BHLHE41: variants seen among roughly 807,000 people sequenced by gnomAD.
BHLHE41 encodes basic helix-loop-helix family member e41.
BHLHE41 carries 14 observed loss-of-function variants against 24.0 expected under a neutral mutation model. The observed-to-expected ratio is 0.58, with a 90% CI of 0.39 to 0.91. The LOEUF is 0.91. BHLHE41 is among the 40% of genes least tolerant of loss of function. The pLI is 0.00. For synonymous variants in BHLHE41, 394 were observed against 315.5 expected (o/e 1.25, Z -2.64); for missense variants, 674 against 655.4 (o/e 1.03, Z -0.31).
rs1417732646 is a variant in BHLHE41 at position 26,122,766 on chromosome 12, G to C, written c.749C>G (p.Pro250Arg). The C allele has an allele frequency of 6.3e-7, 1 of 1,592,476 alleles. No individual in the cohort carries two copies. The highest frequency in any genetic ancestry group is 1.4e-5 in the African/African-American group (1 of 73,342). The change falls in exon 5 of 5, where the codon CCG becomes CGG. Residue 250 changes from proline to arginine, a missense_variant. Around this residue, in one of 3 missense-constraint regions of BHLHE41, gnomAD observed 602 missense variants for 570.8 expected, o/e 1.05. Coordinates refer to ENST00000242728, the MANE Select transcript of BHLHE41 (RefSeq NM_030762.3). The part of the protein sequence containing the change: ...SGYGGEAEAR[P>R]DREKGKGAGA... ...CGCGCCTTTGCCTTTCTCGCGGTCCGGCCGGGCCTCGGCTTCGCCGCCGTA... is the reference window on the plus strand; with the variant it reads ...CGCGCCTTTGCCTTTCTCGCGGTCCCGCCGGGCCTCGGCTTCGCCGCCGTA...
chr12:26,124,080 T>G lies in BHLHE41; in HGVS notation c.226A>C (p.Lys76Gln). The change falls in exon 3 of 5, where the codon AAA becomes CAA. Residue 76 changes from lysine to glutamine, a missense_variant. Coordinates refer to ENST00000242728, the MANE Select transcript of BHLHE41 (RefSeq NM_030762.3). ...GAAAATGTGCATCTTACTGTCAATT[T>G]CAGATGTTCAGGCAGTAAATCTTTC... ...QLKDLLPEHLKLTTLGHLEKA... is the reference protein window; with the variant it reads ...QLKDLLPEHLQLTTLGHLEKA... 1 of 1,602,590 alleles carries G rather than the reference T, an allele frequency of 6.2e-7. No individual in the cohort carries two copies. Among genetic ancestry groups the G allele is most frequent in the Non-Finnish European group, 8.6e-7 (1 of 1,169,470 alleles).
In BHLHE41 at chr12:26,120,724, C is replaced by G. The variant is rs1445422831; in HGVS notation, c.*1342G>C. 1.3e-5 allele frequency: 2 copies of G among 152,618 alleles called. No homozygotes were observed. Among genetic ancestry groups the G allele is most frequent in the Admixed American group, 6.5e-5 (1 of 15,282 alleles). 9.5% of individuals were successfully genotyped at this position (152,618 alleles called of 1,614,324 possible). On this transcript the variant is annotated 3_prime_UTR_variant, in exon 5 of 5. Coordinates refer to ENST00000242728, the MANE Select transcript of BHLHE41 (RefSeq NM_030762.3). The stretch of plus-strand genomic sequence containing the variant: ...AAATGCACCAAACTGACGAAAAGAC[C>G]CAGATATTTTCCTCACTCATAGTCA...
intron 2 of BHLHE41, 94 bp from the exon 3 acceptor site, chr12:26,124,273 A>G: frequency 3.9e-6 from 1 of 257,258 alleles, no homozygotes; most frequent in Non-Finnish European, 6.2e-6. Context: ...CCCCCCCACC[A>G]TAAAACATAC....
At chr12:26,124,466 C>T (rs1178951489) in intron 2 of BHLHE41, 53 bp downstream of exon 2, 1 of 1,555,790 alleles carries the variant, frequency 6.4e-7, no homozygotes, top group Admixed American at 1.7e-5. Context: ...AAATCAATGG[C>T]TCTAATTAAC....
In BHLHE41 at chr12:26,120,974, A is replaced by G. The variant is rs914030973; in HGVS notation, c.*1092T>C. 1.3e-5 allele frequency: 2 copies of G among 152,646 alleles called. No homozygotes were observed. Among genetic ancestry groups the G allele is most frequent in the African/African-American group, 4.8e-5 (2 of 41,460 alleles). 9.5% of individuals were successfully genotyped at this position (152,646 alleles called of 1,614,324 possible). On this transcript the variant is annotated 3_prime_UTR_variant, in exon 5 of 5. Transcript: ENST00000242728. ...TATATCTTTACAGCATTTGCAATCA[A>G]AACTGGCCAGTTAAATGCTTTCGTT...
At position 26,124,520 on chromosome 12, in the gene BHLHE41, T is replaced by C; in HGVS notation, c.125A>G (p.Lys42Arg). The C allele has an allele frequency of 6.2e-7, 1 of 1,613,988 alleles. No individual in the cohort carries two copies. Among genetic ancestry groups the C allele is most frequent in the South Asian group, 1.1e-5 (1 of 91,076 alleles). ...PKRSMKRDDT[K>R]DTYKLPHRLI... ...GGAATATCGGGAACTTACACTTACC[T>C]TGGTGTCGTCTCGTTTCATGCTCCT... is the stretch of plus-strand genomic sequence containing the variant. The change falls in exon 2 of 5, where the codon AAG becomes AGG. Residue 42 changes from lysine (K) to arginine (R), a missense_variant and splice_region_variant. Coordinates refer to ENST00000242728, the MANE Select transcript of BHLHE41 (RefSeq NM_030762.3).
At chr12:26,123,230 A>G in intron 4 of BHLHE41, 62 bp from the exon 5 acceptor site, 1 of 1,505,120 alleles carries the variant, frequency 6.6e-7, no homozygotes, top group Non-Finnish European at 8.9e-7. Flanking sequence ...AAACATACCC[A>G]CGTTAAAACA....
Position 26,122,210 on chromosome 12 carries a change from C to A in BHLHE41, c.1305G>T (p.Pro435=). 1 of 1,338,936 alleles carries A rather than the reference C, an allele frequency of 7.5e-7. No individual in the cohort carries two copies. The allele number at this position is 1,338,936 out of a possible 1,614,324, so 82.9% of individuals were successfully genotyped here. Residue 435 remains proline (P), a synonymous_variant, in exon 5 of 5, where the codon CCG becomes CCT. Coordinates refer to ENST00000242728, the MANE Select transcript of BHLHE41 (RefSeq NM_030762.3). ...GCGCCCCAAGGGGCGCCACCTCGTG[C>A]GGCAGGAGGGTCGCGGCGGCGGCGC... ...KAGAAAATLL[P]HEVAPLGAPH...
Position 26,124,932 on chromosome 12 carries a change from G to T in BHLHE41, c.-153C>A. On this transcript the variant is annotated 5_prime_UTR_variant, in exon 1 of 5. It adds an upstream start codon to the 5' untranslated region. Transcript: ENST00000242728. ...AGTGCAGTGTTGAAAGTGTGAAGCA[G>T]TTGGTCCCCCCCCTCCACCGCGCTC... 2 of 797,226 alleles carry T rather than the reference G, an allele frequency of 2.5e-6. No individual in the cohort carries two copies. The highest frequency in any genetic ancestry group is 4.3e-6 in the Non-Finnish European group (2 of 464,060). The allele number at this position is 797,226 out of a possible 1,614,324, so 49.4% of individuals were successfully genotyped here.
Position 26,123,061 on chromosome 12 carries a change from A to G in BHLHE41, c.454T>C (p.Trp152Arg), listed in dbSNP as rs756277807. Residue 152 changes from tryptophan (W) to arginine (R), a missense_variant, in exon 5 of 5, where the codon TGG (tryptophan) becomes CGG (arginine). By Grantham distance (101) the Trp-to-Arg change is moderately radical (BLOSUM62 -3). Coordinates refer to ENST00000242728, the MANE Select transcript of BHLHE41 (RefSeq NM_030762.3). ...VLQYLSRFESWTPREPRCVQL... is the reference protein window; with the variant it reads ...VLQYLSRFESRTPREPRCVQL... ...ACACACCGCGGCTCCCTGGGTGTCC[A>G]GCTCTCAAACCGGGAGAGGTATTGC... The G allele has an allele frequency of 3.1e-6, 5 of 1,587,318 alleles. No homozygotes were observed. Among genetic ancestry groups the G allele is most frequent in the Non-Finnish European group, 4.3e-6 (5 of 1,166,230 alleles).
In BHLHE41 at chr12:26,124,944, C is replaced by CT. The variant is rs1467461890; in HGVS notation, c.-166_-165insA. On this transcript the variant is annotated 5_prime_UTR_variant, in exon 1 of 5. Transcript: ENST00000242728. The stretch of plus-strand genomic sequence containing the variant: ...AAAGTGTGAAGCAGTTGGTCCCCCC[C>CT]CTCCACCGCGCTCGCACACACACAC... 5.5e-6 allele frequency: 4 copies of CT among 733,600 alleles called. No homozygotes were observed. The African/African-American group carries it at 6.9e-5, about 13-fold the overall frequency. The allele number at this position is 733,600 out of a possible 1,614,324, so 45.4% of individuals were successfully genotyped here. A position where few individuals can be genotyped will look rare whatever the true frequency, so the allele number is the denominator to read the frequency against.
At chr12:26,124,426 G>T in intron 2 of BHLHE41, 93 bp downstream of exon 2, 1 of 1,383,342 alleles carries the variant, frequency 7.2e-7, no homozygotes, top group Non-Finnish European at 1.0e-6. Context: ...TCAGGGGCTG[G>T]AATATATTTG....
rs1944347512 is a variant in BHLHE41 at position 26,124,701 on chromosome 12, G to A, written c.62+17C>T. 3 of 1,614,004 alleles carry A rather than the reference G, an allele frequency of 1.9e-6. No individual in the cohort carries two copies. Among genetic ancestry groups the A allele is most frequent in the Non-Finnish European group, 2.5e-6 (3 of 1,179,842 alleles). On this transcript the variant is annotated intron_variant, in intron 1 of 4. Transcript: ENST00000242728. The stretch of plus-strand genomic sequence containing the variant: ...CCAAAGCCTAGACAGATATTCGCAA[G>A]GGTGCGTGCACCTTACCCTATAAAA...
Position 26,121,993 on chromosome 12 carries a change from T to G in BHLHE41, c.*73A>C. On this transcript the variant is annotated 3_prime_UTR_variant, in exon 5 of 5. Transcript: ENST00000242728. Reference sequence around the variant, plus strand: ...CCTTAAGGGTATTTTAACTTCTCACTCTGCTTGAACCTCCTTAAGGGTATT... The same window carrying G: ...CCTTAAGGGTATTTTAACTTCTCACGCTGCTTGAACCTCCTTAAGGGTATT... The G allele has an allele frequency of 1.9e-6, 3 of 1,542,672 alleles. No individual in the cohort carries two copies. The highest frequency in any genetic ancestry group is 2.6e-6 in the Non-Finnish European group (3 of 1,142,382).
At position 26,122,985 on chromosome 12, in the gene BHLHE41, G is replaced by A. The variant is rs1394647498; in HGVS notation, c.530C>T (p.Pro177Leu). The A allele has an allele frequency of 6.4e-7, 1 of 1,565,766 alleles. No individual in the cohort carries two copies. The highest frequency in any genetic ancestry group is 8.7e-7 in the Non-Finnish European group (1 of 1,154,682). ...HAVATQFLPT[P>L]QLLTQQVPLS... ...AGGGACCTGTTGAGTCAACAGCTGC[G>A]GGGTGGGCAAGAACTGGGTGGCCAC... The change falls in exon 5 of 5, where the codon CCG becomes CTG. Residue 177 changes from proline to leucine, a missense_variant. Physicochemically the swap from Pro to Leu is moderately conservative, Grantham distance 98. Coordinates refer to ENST00000242728, the MANE Select transcript of BHLHE41 (RefSeq NM_030762.3).
At position 26,122,446 on chromosome 12, in the gene BHLHE41, A is replaced by C. The variant is rs749827205; in HGVS notation, c.1069T>G (p.Ser357Ala). 1 of 1,353,884 alleles carries C rather than the reference A, an allele frequency of 7.4e-7. No homozygotes were observed. The highest frequency in any genetic ancestry group is 9.6e-7 in the Non-Finnish European group (1 of 1,042,712). The allele number at this position is 1,353,884 out of a possible 1,614,324, so 83.9% of individuals were successfully genotyped here. The change falls in exon 5 of 5, where the codon TCT becomes GCT. Residue 357 changes from serine (S) to alanine (A), a missense_variant. Around this residue, in one of 3 missense-constraint regions of BHLHE41, gnomAD observed 602 missense variants for 570.8 expected, o/e 1.05. Transcript: ENST00000242728. ...FCLPFCFLSP[S>A]AAAAYVQPFL... ...GGCTGCACGTAGGCGGCAGCTGCAG[A>C]AGGCGAGAGGAAGCAGAAGGGCAGG...
At chr12:26,123,219 G>T in intron 4 of BHLHE41, 51 bp from the exon 5 acceptor site, 3 of 1,523,888 alleles carry the variant, frequency 2.0e-6, no homozygotes, top group Non-Finnish European at 2.6e-6. Context: ...GAGGCAAGAA[G>T]AAACATACCC....
Position 26,124,732 on chromosome 12 carries a change from A to T in BHLHE41, c.48T>A (p.His16Gln). The change falls in exon 1 of 5, where the codon CAT becomes CAA. Residue 16 changes from histidine (H) to glutamine (Q), a missense_variant. His to Gln is a conservative substitution (Grantham distance 24, BLOSUM62 0). Transcript: ENST00000242728. The part of the protein sequence containing the change: ...PHLQERQLLE[H>Q]RDFIGLDYSS... The stretch of plus-strand genomic sequence containing the variant: ...GTGCACCTTACCCTATAAAATCTCT[A>T]TGTTCCAGTAACTGTCTCTCTTGCA... The T allele has an allele frequency of 6.2e-7, 1 of 1,614,184 alleles. No individual in the cohort carries two copies. The highest frequency in any genetic ancestry group is 8.5e-7 in the Non-Finnish European group (1 of 1,180,012).
Position 26,122,981 on chromosome 12 carries a change from C to T in BHLHE41, c.534G>A (p.Gln178=), listed in dbSNP as rs758835455. The T allele has an allele frequency of 6.3e-5, 98 of 1,565,248 alleles. 1 individual carries two copies. The highest frequency in any genetic ancestry group is 2.9e-4 in the South Asian group (25 of 85,186). ...AVATQFLPTP[Q]LLTQQVPLSK... is the part of the protein sequence containing the mutation. ...TCAGAGGGACCTGTTGAGTCAACAG[C>T]TGCGGGGTGGGCAAGAACTGGGTGG... The change falls in exon 5 of 5, where the codon CAG becomes CAA. Residue 178 remains glutamine (Q), a synonymous_variant. Transcript: ENST00000242728.
Sources: allele counts gnomAD v4.1 joint callset, GRCh38; gene constraint gnomAD v4.1.1; regional missense constraint gnomAD v4.1.1; transcripts MANE v1.5; gene names NCBI Gene and HGNC (gene_info 2026-07-23, HGNC 2026-07-21).